The following CATSPERT variants were observed in gnomAD, a reference collection of about 807,000 sequenced individuals.
CATSPERT encodes cation channel sperm-associated targeting subunit tau.
chr2:201,602,305 T>G, the CATSPERT span, among the ~76,000 whole-genome samples: 3 of 152,134 alleles, frequency 2.0e-5, no homozygotes, highest in Non-Finnish European at 1.5e-5. Context: ...AAGAATATAG[T>G]TCATTTATAC....
At chr2:201,507,312 A>G in the CATSPERT span, among the ~76,000 whole-genome samples, 1 of 152,236 alleles carries the variant, frequency 6.6e-6, no homozygotes, top group Non-Finnish European at 1.5e-5. Flanking sequence ...GAATCAATCT[A>G]ATAAGAAATG....
chr2:201,619,005 G>A, the CATSPERT span: 3 of 1,613,948 alleles, frequency 1.9e-6, no homozygotes, highest in African/African-American at 1.3e-5. Context: ...ACCCTTTAAT[G>A]TGCATGATAT....
the CATSPERT span, among the ~76,000 whole-genome samples, chr2:201,612,510 G>T: frequency 6.8e-6 from 1 of 147,966 alleles, no homozygotes; most frequent in Non-Finnish European, 1.5e-5. Flanking sequence ...GGAGGCGGAG[G>T]TTGCTGTGAG....
chr2:201,551,519 T>G, the CATSPERT span, among the ~76,000 whole-genome samples: 2 of 152,232 alleles, frequency 1.3e-5, no homozygotes, highest in Non-Finnish European at 2.9e-5. Context: ...TATTAAATCA[T>G]AACTGCATAA....
At chr2:201,608,965 C>A in the CATSPERT span, among the ~76,000 whole-genome samples, 2 of 149,248 alleles carry the variant, frequency 1.3e-5, no homozygotes, top group East Asian at 3.9e-4. Flanking sequence ...AAGGCACATA[C>A]AGAATGAAAG....
the CATSPERT span, among the ~76,000 whole-genome samples, chr2:201,587,362 T>G: frequency 6.6e-5 from 10 of 152,176 alleles, no homozygotes; most frequent in African/African-American, 2.4e-4. Flanking sequence ...GAAGCTTTCT[T>G]TGATATTTAT....
chr2:201,559,702 T>G, the CATSPERT span, among the ~76,000 whole-genome samples: 1 of 152,204 alleles, frequency 6.6e-6, no homozygotes, highest in Non-Finnish European at 1.5e-5. Context: ...ATGTGAAGAC[T>G]AAACTACTGG....
the CATSPERT span, among the ~76,000 whole-genome samples, chr2:201,583,131 A>T: frequency 2.8e-4 from 43 of 152,350 alleles, 2 homozygotes; most frequent in Admixed American, 2.8e-3. Context: ...ATTGACAGAC[A>T]CTCAGAGAAG....
At chr2:201,599,854 C>T in the CATSPERT span, among the ~76,000 whole-genome samples, 2 of 152,062 alleles carry the variant, frequency 1.3e-5, no homozygotes, top group Non-Finnish European at 2.9e-5. Context: ...CATATATCCC[C>T]CAAATTCTTG....
At chr2:201,562,245 TG>T in the CATSPERT span, among the ~76,000 whole-genome samples, 1 of 147,160 alleles carries the variant, frequency 6.8e-6, no homozygotes, top group Non-Finnish European at 1.5e-5. Flanking sequence ...TGGAGTGCAG[TG>T]GCGCGATCTC....
At chr2:201,586,476 C>T in the CATSPERT span, among the ~76,000 whole-genome samples, 53 of 152,004 alleles carry the variant, frequency 3.5e-4, no homozygotes, top group East Asian at 2.5e-3. Flanking sequence ...GCTACAGTAA[C>T]GTTACATACA....
the CATSPERT span, chr2:201,493,333 C>G: frequency 9.8e-6 from 15 of 1,536,746 alleles, no homozygotes; most frequent in Non-Finnish European, 1.2e-5. Flanking sequence ...TTCAGCTCTA[C>G]TAACAGAAGT....
chr2:201,613,044 G>A, the CATSPERT span, among the ~76,000 whole-genome samples: 171 of 152,248 alleles, frequency 1.1e-3, 2 homozygotes, highest in Admixed American at 1.7e-3. Context: ...GGTAAACAAA[G>A]CAGCTGGGAA....
the CATSPERT span, among the ~76,000 whole-genome samples, chr2:201,569,261 G>C: frequency 1.3e-5 from 2 of 152,086 alleles, no homozygotes; most frequent in Non-Finnish European, 2.9e-5. Context: ...TGATTGAGAG[G>C]CCATGACTCT....
At chr2:201,511,857 A>C in the CATSPERT span, 14 of 150,230 alleles carry the variant, frequency 9.3e-5, no homozygotes, top group African/African-American at 1.5e-4. Context: ...AAAAAAAAAA[A>C]AAAAAAAAAA....
chr2:201,493,149 A>G, the CATSPERT span: 1 of 1,526,724 alleles, frequency 6.5e-7, no homozygotes, highest in Non-Finnish European at 8.8e-7. Context: ...ACATTATTTC[A>G]TCTGATTCAC....
At chr2:201,566,457 T>C in the CATSPERT span, among the ~76,000 whole-genome samples, 2 of 150,180 alleles carry the variant, frequency 1.3e-5, no homozygotes, top group African/African-American at 4.9e-5. Flanking sequence ...CATGCAGTGT[T>C]TGGTTTTTTG....
At chr2:201,588,543 T>C in the CATSPERT span, among the ~76,000 whole-genome samples, 1 of 150,288 alleles carries the variant, frequency 6.7e-6, no homozygotes, top group East Asian at 2.0e-4. Context: ...GGTCCTTCAA[T>C]ACCTAGTTGA....
chr2:201,591,992 A>C, the CATSPERT span, among the ~76,000 whole-genome samples: 14 of 152,146 alleles, frequency 9.2e-5, no homozygotes, highest in East Asian at 2.3e-3. Context: ...TCTCCTGACT[A>C]ATTGCCCTGG....
Sources: gnomAD v4.1 joint callset for allele counts (sites outside exome capture counted in the v4.1 genomes callset) on GRCh38, gnomAD v4.1.1 for gene constraint, MANE v1.5 for transcripts, NCBI Gene and HGNC (gene_info 2026-07-23, HGNC 2026-07-21) for gene names.